The following TSBP1 variants were observed in gnomAD, a reference collection of about 807,000 sequenced individuals.
TSBP1 encodes the protein testis expressed basic protein 1.
A neutral mutation model predicts 68.8 loss-of-function variants in TSBP1; 56 were observed. The observed-to-expected ratio is 0.81, with a 90% CI of 0.66 to 1.02. The LOEUF is 1.02. Ranked by LOEUF, TSBP1 falls within the 50% of genes least tolerant of loss-of-function variation. The pLI is 0.00. For synonymous variants in TSBP1, 171 were observed against 208.7 expected, an observed-to-expected ratio of 0.82 and a Z score of 1.56; for missense variants, 502 against 641.2, an observed-to-expected ratio of 0.78 and a Z score of 2.34.
At chr6:32,295,044 A>C (rs895773877) in intron 22 of TSBP1, among the ~76,000 whole-genome samples, 1 of 152,202 alleles carries the variant, frequency 6.6e-6, no homozygotes, top group East Asian at 1.9e-4. Context: ...AAGCTGAATC[A>C]GAAGACTTGG....
At chr6:32,355,590 T>A in intron 7 of TSBP1, 59 bp downstream of exon 7, 1 of 1,574,980 alleles carries the variant, frequency 6.3e-7, no homozygotes, top group Non-Finnish European at 8.6e-7. Flanking sequence ...GCATTTACAA[T>A]CTAGGGAAAT....
chr6:32,369,084 C>T (rs569865178), intron 2 of TSBP1, among the ~76,000 whole-genome samples: 14 of 152,150 alleles, frequency 9.2e-5, no homozygotes, highest in African/African-American at 2.9e-4. Context: ...GGGAGAGAAA[C>T]AGAAAAATCC....
chr6:32,331,917 G>T, intron 15 of TSBP1, 117 bp downstream of exon 16: 1 of 795,732 alleles, frequency 1.3e-6, no homozygotes, highest in Non-Finnish European at 2.1e-6. Context: ...GGAAATGAAA[G>T]TCTAAGAAAT....
In TSBP1 at chr6:32,321,817, A is replaced by G. The variant is rs570963; in HGVS notation, c.559+1300T>C. On this transcript the variant is annotated intron_variant, in intron 18 of 22. Transcript: ENST00000612031. The surrounding 1 kb of genome is among the most constrained non-coding windows in gnomAD (Gnocchi z 4.3). The stretch of plus-strand genomic sequence containing the variant: ...TGTAAGTATGTTTGCAATCTGTTAG[A>G]GTAACCCAGATGTCTGTCATGTTTA... Among the ~76,000 whole-genome samples, 32,151 of 152,186 alleles carry G rather than the reference A, an allele frequency of 0.21. 4,928 individuals carry two copies. The highest frequency in any genetic ancestry group is 0.41 in the African/African-American group (17,215 of 41,484).
chr6:32,351,035 T>G (rs1372009243), intron 8 of TSBP1, among the ~76,000 whole-genome samples: 1 of 152,208 alleles, frequency 6.6e-6, no homozygotes, highest in Non-Finnish European at 1.5e-5. Context: ...TATGACAGAT[T>G]TATAACCTAT....
chr6:32,356,917 C>A (rs1012940766), intron 6 of TSBP1: 1 of 153,850 alleles, frequency 6.5e-6, no homozygotes, highest in Non-Finnish European at 1.5e-5. Context: ...ATAACCATGG[C>A]AGCTTTTATA....
chr6:32,299,909 A>T lies in TSBP1; in HGVS notation c.637+13T>A, dbSNP rs1477367187. ...TGTAAAATATCAGAGTTGAGAATAG[A>T]TATGGAACTTACCCACAGGAGTCAG... On this transcript the variant is annotated intron_variant, in intron 22 of 22. Coordinates refer to ENST00000612031, the Ensembl canonical transcript of TSBP1. 3.8e-6 allele frequency: 6 copies of T among 1,598,350 alleles called. No individual in the cohort carries two copies. The highest frequency in any genetic ancestry group is 1.7e-5 in the Admixed American group (1 of 59,980).
At chr6:32,342,836 G>A (rs572966083) in intron 9 of TSBP1, among the ~76,000 whole-genome samples, 1 of 152,182 alleles carries the variant, frequency 6.6e-6, no homozygotes, top group East Asian at 1.9e-4. Flanking sequence ...GATTAGAGAG[G>A]GACATAGTCA....
At chr6:32,356,602 C>T (rs910645153) in intron 6 of TSBP1, among the ~76,000 whole-genome samples, 3 of 152,020 alleles carry the variant, frequency 2.0e-5, no homozygotes, top group African/African-American at 7.3e-5. Flanking sequence ...CGCCTGTAAT[C>T]CCAGCTACTC....
chr6:32,352,957 A>G lies in TSBP1; in HGVS notation c.259+2167T>C, dbSNP rs138501651. On this transcript the variant is annotated intron_variant, in intron 8 of 22. Coordinates refer to ENST00000612031, the Ensembl canonical transcript of TSBP1. ...GTGGCCCGTGTGTAAGGATGGCATG[A>G]AAATTCATGGTGTCCCATATAAAAA... is the stretch of plus-strand genomic sequence containing the variant. 470 of 152,038 alleles carry G rather than the reference A, an allele frequency of 3.1e-3. 2 individuals carry two copies. Among genetic ancestry groups the G allele is most frequent in the African/African-American group, 0.011 (438 of 41,566 alleles). The allele number at this position is 152,038 out of a possible 1,614,324, so 9.4% of individuals were successfully genotyped here. A position where few individuals can be genotyped will look rare whatever the true frequency, so the allele number is the denominator to read the frequency against.
At chr6:32,369,773 G>T in intron 2 of TSBP1, 124 bp downstream of exon 2, 1 of 785,768 alleles carries the variant, frequency 1.3e-6, no homozygotes, top group Non-Finnish European at 2.3e-6. Flanking sequence ...TATTGAAACA[G>T]ATTCCCAGAA....
rs1769570076 is a variant in TSBP1, at chr6:32,335,700, C to T, written c.451+212G>A. Among the ~76,000 whole-genome samples the T allele has an allele frequency of 6.6e-6, 1 of 152,154 alleles. No individual in the cohort carries two copies. Among genetic ancestry groups the T allele is most frequent in the African/African-American group, 2.4e-5 (1 of 41,438 alleles). On this transcript the variant is annotated intron_variant, in intron 13 of 22. Transcript: ENST00000612031. This position sits in a 1 kb window ranked among gnomAD's most constrained non-coding sequence, Gnocchi z 5.5. The stretch of plus-strand genomic sequence containing the variant: ...AAGCCATTGGAAATCTGCAAGGGTT[C>T]ATTCTCCACTTTGTAGTTTGTTTTT...
In TSBP1 at chr6:32,340,196, T is replaced by C. The variant is rs1227117313; in HGVS notation, c.350-558A>G. On this transcript the variant is annotated intron_variant, in intron 9 of 22. Coordinates refer to ENST00000612031, the Ensembl canonical transcript of TSBP1. This position sits in a 1 kb window ranked among gnomAD's most constrained non-coding sequence, Gnocchi z 4.8. Reference sequence around the variant, plus strand: ...TTCTTGTGTACCTTAGTACCTTAATTATGTCATTTTAATCTCTGTTGCTTC... The same window carrying C: ...TTCTTGTGTACCTTAGTACCTTAATCATGTCATTTTAATCTCTGTTGCTTC... Among the ~76,000 whole-genome samples the C allele has an allele frequency of 6.6e-6, 1 of 152,214 alleles. No individual in the cohort carries two copies. Among genetic ancestry groups the C allele is most frequent in the African/African-American group, 2.4e-5 (1 of 41,450 alleles).
rs536693 is a variant in TSBP1 at position 32,325,041 on chromosome 6, C to A, written c.515-1427G>T. On this transcript the variant is annotated intron_variant, in intron 16 of 22. Transcript: ENST00000612031. This position sits in a 1 kb window ranked among gnomAD's most constrained non-coding sequence, Gnocchi z 4.4. Reference sequence around the variant, plus strand: ...TATCATTTTTCTGTCATTTTTTTTCCTTCTGCATGGAAAGTTCCTAACATT... The same window carrying A: ...TATCATTTTTCTGTCATTTTTTTTCATTCTGCATGGAAAGTTCCTAACATT... Among the ~76,000 whole-genome samples, 14,668 of 151,684 alleles carry A rather than the reference C, an allele frequency of 0.097. 1,063 individuals carry two copies. The highest frequency in any genetic ancestry group is 0.19 in the African/African-American group (7,854 of 41,316).
Position 32,366,322 on chromosome 6 carries a change from C to T in TSBP1, c.167-20G>A, listed in dbSNP as rs1773707113. 6.3e-7 allele frequency: 1 copy of T among 1,592,940 alleles called. No homozygotes were observed. Among genetic ancestry groups the T allele is most frequent in the South Asian group, 1.1e-5 (1 of 88,408 alleles). ...GGGATCCTAAAAGAGAAGATAAAAA[C>T]ATAATGAGATTTTACTTCAACAAGT... On this transcript the variant is annotated intron_variant, in intron 4 of 22. Coordinates refer to ENST00000612031, the Ensembl canonical transcript of TSBP1.
rs117850564 is a variant in TSBP1 at position 32,318,002 on chromosome 6, G to A, written c.560-2210C>T. 3.5e-3 allele frequency among the ~76,000 whole-genome samples: 534 copies of A among 152,160 alleles called. 16 individuals carry two copies. The East Asian group carries it at 0.07, about 20-fold the overall frequency. ...ATTGTTCTATCATAAAGAAACACAC[G>A]TGTGTTTATTGCAGCACTATTCACA... is the stretch of plus-strand genomic sequence containing the variant. On this transcript the variant is annotated intron_variant, in intron 18 of 22. Transcript: ENST00000612031.
rs376040288 is a variant in TSBP1 at position 32,330,571 on chromosome 6, G to A, written c.514+18C>T. The A allele has an allele frequency of 1.4e-4, 220 of 1,607,024 alleles. 1 individual carries two copies. The African/African-American group carries it at 2.1e-3, about 16-fold the overall frequency. On this transcript the variant is annotated intron_variant, in intron 16 of 22. Coordinates refer to ENST00000612031, the Ensembl canonical transcript of TSBP1. ...AGATCAAGGAACCTGGAGGGAGAAG[G>A]ATAGATAAGGTACTTACCATTGGAT...
intron 18 of TSBP1, among the ~76,000 whole-genome samples, 184 bp from the exon 20 acceptor site, chr6:32,322,690 G>A (rs1315270960): frequency 2.0e-5 from 3 of 152,176 alleles, no homozygotes; most frequent in Non-Finnish European, 2.9e-5. Flanking sequence ...CTAGATGTAA[G>A]ATTTAGCAGT....
At chr6:32,320,685 A>C (rs539703) in intron 18 of TSBP1, among the ~76,000 whole-genome samples, 50,725 of 152,050 alleles carry the variant, frequency 0.33, 9,552 homozygotes, top group Middle Eastern at 0.52. Context: ...AGATATTGCC[A>C]GGTAACACTT....
Sources: allele counts gnomAD v4.1 joint callset (sites outside exome capture counted in the v4.1 genomes callset), GRCh38; gene constraint gnomAD v4.1.1; non-coding constraint Gnocchi (gnomAD v3.1); transcripts MANE v1.5; gene names NCBI Gene and HGNC (gene_info 2026-07-23, HGNC 2026-07-21).